Variants in RIMKLA observed in about 807,000 individuals in gnomAD.
The protein encoded by RIMKLA is N-acetylaspartylglutamate synthase A.
In RIMKLA, 14 loss-of-function variants were observed where a neutral mutation model predicts 32.7. The ratio of observed to expected loss-of-function variants is 0.43; its 90% CI spans 0.28 to 0.67. The LOEUF is 0.67. RIMKLA is among the 30% of genes least tolerant of loss of function. The probability of loss-of-function intolerance (pLI) is 0.18; values close to 1 mark genes in which losing one functional copy is unlikely to be tolerated. For missense variants in RIMKLA, 410 were observed against 519.0 expected, an observed-to-expected ratio of 0.79 and a Z score of 2.04; for synonymous variants, 176 against 204.1, an observed-to-expected ratio of 0.86 and a Z score of 1.18.
At chr1:42,410,464 C>T (rs895189240) in intron 4 of RIMKLA, among the ~76,000 whole-genome samples, 8 of 151,950 alleles carry the variant, frequency 5.3e-5, no homozygotes, top group African/African-American at 1.9e-4. Flanking sequence ...TGAGGACCAA[C>T]GTTGGAGAAA....
chr1:42,406,097 T>C (rs1557756348), intron 3 of RIMKLA, among the ~76,000 whole-genome samples: 1 of 152,234 alleles, frequency 6.6e-6, no homozygotes, highest in Non-Finnish European at 1.5e-5. Context: ...CCAGGCACTA[T>C]TCCAGGCTTT....
At chr1:42,405,131 C>A (rs774594889) in intron 3 of RIMKLA, among the ~76,000 whole-genome samples, 4 of 152,208 alleles carry the variant, frequency 2.6e-5, no homozygotes, top group African/African-American at 4.8e-5. Context: ...TGCCATCTTT[C>A]TCTGCTCACT....
chr1:42,413,925 T>G (rs1328100106), intron 4 of RIMKLA, among the ~76,000 whole-genome samples: 1 of 150,302 alleles, frequency 6.7e-6, no homozygotes, highest in Non-Finnish European at 1.5e-5. Context: ...CCTAGTTTTA[T>G]TTTTATTTTT....
At chr1:42,391,258 A>G (rs1381707557) in intron 1 of RIMKLA, among the ~76,000 whole-genome samples, 4 of 152,162 alleles carry the variant, frequency 2.6e-5, no homozygotes, top group Admixed American at 2.6e-4. Flanking sequence ...GAAATCACCA[A>G]TATTTCTGAT....
rs775856351 is a variant in RIMKLA at position 42,399,539 on chromosome 1, A to G, written c.299A>G (p.Asn100Ser). 64 of 1,613,448 alleles carry G rather than the reference A, an allele frequency of 4.0e-5. No individual in the cohort carries two copies. Among genetic ancestry groups the G allele is most frequent in the Non-Finnish European group, 3.2e-5 (38 of 1,179,832 alleles). The change falls in exon 2 of 5, where the codon AAT becomes AGT. Residue 100 changes from asparagine to serine, a missense_variant. By Grantham distance (46) the Asn-to-Ser change is conservative. Coordinates refer to ENST00000431473, the MANE Select transcript of RIMKLA (RefSeq NM_173642.4). Reference protein sequence around the residue: ...HLEKLGCRLVNRPQSILNCIN... With the variant: ...HLEKLGCRLVSRPQSILNCIN... ...GAGAAGCTGGGCTGCCGGTTGGTCAATCGCCCACAGAGCATCTTAAATTGC... is the reference window on the plus strand; with the variant it reads ...GAGAAGCTGGGCTGCCGGTTGGTCAGTCGCCCACAGAGCATCTTAAATTGC...
rs190498920 is a variant in RIMKLA at position 42,414,813 on chromosome 1, G to A, written c.1015G>A (p.Val339Ile). 156 of 1,614,178 alleles carry A rather than the reference G, an allele frequency of 9.7e-5. No individual in the cohort carries two copies. Among genetic ancestry groups the A allele is most frequent in the Non-Finnish European group, 1.2e-4 (137 of 1,180,026 alleles). ...TTCAGCTCAGGGAGTTGCAGAGAGC[G>A]TCTATACCATCAACAGTGGGTCTAC... ...CASAQGVAES[V>I]YTINSGSTSS... The change falls in exon 5 of 5, where the codon GTC (valine) becomes ATC (isoleucine). Residue 339 changes from valine to isoleucine, a missense_variant. Val to Ile is a conservative substitution (Grantham distance 29, BLOSUM62 3). Coordinates refer to ENST00000431473, the MANE Select transcript of RIMKLA (RefSeq NM_173642.4).
intron 2 of RIMKLA, among the ~76,000 whole-genome samples, chr1:42,403,305 T>C (rs978398613): frequency 2.0e-5 from 3 of 152,112 alleles, no homozygotes; most frequent in Non-Finnish European, 4.4e-5. Context: ...GTGAGAAATA[T>C]TAGTTGACAT....
At chr1:42,399,332 C>G in intron 1 of RIMKLA, 72 bp from the exon 2 acceptor site, 1 of 1,136,614 alleles carries the variant, frequency 8.8e-7, no homozygotes, top group Non-Finnish European at 1.3e-6. Context: ...CTTGAAGAGT[C>G]TGTTGGAACC....
chr1:42,384,594 T>G (rs938695516), intron 1 of RIMKLA, among the ~76,000 whole-genome samples: 3 of 136,166 alleles, frequency 2.2e-5, no homozygotes, highest in African/African-American at 8.3e-5. Flanking sequence ...TGTGTATATA[T>G]GTATATATGT....
chr1:42,412,090 C>A (rs528022556), intron 4 of RIMKLA, among the ~76,000 whole-genome samples: 9 of 152,060 alleles, frequency 5.9e-5, no homozygotes, highest in Non-Finnish European at 1.0e-4. Flanking sequence ...ATAATTTATC[C>A]ATGTTGCTTT....
chr1:42,391,684 A>G (rs565688046), intron 1 of RIMKLA, among the ~76,000 whole-genome samples: 4 of 152,250 alleles, frequency 2.6e-5, no homozygotes, highest in Non-Finnish European at 5.9e-5. Flanking sequence ...TGTCAGAGCT[A>G]TATGGGGTAT....
intron 1 of RIMKLA, among the ~76,000 whole-genome samples, chr1:42,398,995 C>T (rs950666941): frequency 1.5e-4 from 21 of 139,408 alleles, no homozygotes; most frequent in African/African-American, 5.5e-4. Flanking sequence ...AAAAAAAGGG[C>T]TATATAATGT....
rs1212531306 is a variant in RIMKLA, at chr1:42,419,734, T to C, written c.*4760T>C. The stretch of plus-strand genomic sequence containing the variant: ...AGCCCCAAAGGCATGTATATTTCCA[T>C]GATGCAAGCTGGCTCATGGCCCGCA... On this transcript the variant is annotated 3_prime_UTR_variant, in exon 5 of 5. Coordinates refer to ENST00000431473, the MANE Select transcript of RIMKLA (RefSeq NM_173642.4). The C allele has an allele frequency of 2.0e-5, 3 of 152,250 alleles. No homozygotes were observed. Among genetic ancestry groups the C allele is most frequent in the African/African-American group, 7.2e-5 (3 of 41,456 alleles). 9.4% of individuals were successfully genotyped at this position (152,250 alleles called of 1,614,324 possible).
intron 2 of RIMKLA, among the ~76,000 whole-genome samples, chr1:42,402,567 C>T (rs1643108876): frequency 6.6e-6 from 1 of 150,428 alleles, no homozygotes; most frequent in Non-Finnish European, 1.5e-5. Flanking sequence ...TCTACAGCCA[C>T]CAGAAAGGAA....
Position 42,422,375 on chromosome 1 carries a change from C to T in RIMKLA, c.*7401C>T, listed in dbSNP as rs1227336252. 6.6e-6 allele frequency: 1 copy of T among 152,232 alleles called. No homozygotes were observed. Among genetic ancestry groups the T allele is most frequent in the East Asian group, 1.9e-4 (1 of 5,204 alleles). 9.4% of individuals were successfully genotyped at this position (152,232 alleles called of 1,614,324 possible). ...GGCAGTAGTTCAGCTAAATTCCCTC[C>T]AGGAAAGTGGACTGTAGCTTTTCCT... is the stretch of plus-strand genomic sequence containing the variant. On this transcript the variant is annotated 3_prime_UTR_variant, in exon 5 of 5. Transcript: ENST00000431473.
chr1:42,396,279 C>T (rs6684354), intron 1 of RIMKLA, among the ~76,000 whole-genome samples: 59,286 of 145,612 alleles, frequency 0.41, 12,511 homozygotes, highest in Middle Eastern at 0.57. Context: ...AGAGCTGTGT[C>T]AATGGGCAAA....
intron 3 of RIMKLA, among the ~76,000 whole-genome samples, chr1:42,409,492 C>G (rs549814088): frequency 4.2e-4 from 64 of 152,200 alleles, no homozygotes; most frequent in Non-Finnish European, 8.4e-4. Flanking sequence ...TGGGATCTCT[C>G]TCCATCTAGA....
intron 3 of RIMKLA, among the ~76,000 whole-genome samples, chr1:42,406,432 T>G (rs1643147972): frequency 6.6e-6 from 1 of 152,242 alleles, no homozygotes; most frequent in African/African-American, 2.4e-5. Context: ...TACTTTCTGT[T>G]ACTATAGATT....
intron 1 of RIMKLA, among the ~76,000 whole-genome samples, chr1:42,398,578 G>T (rs1246486500): frequency 1.3e-5 from 2 of 152,120 alleles, no homozygotes; most frequent in African/African-American, 4.8e-5. Flanking sequence ...ATTTGTATCT[G>T]TTTATATAGT....
Sources: allele counts gnomAD v4.1 joint callset (sites outside exome capture counted in the v4.1 genomes callset), GRCh38; gene constraint gnomAD v4.1.1; transcripts MANE v1.5; gene names NCBI Gene and HGNC (gene_info 2026-07-23, HGNC 2026-07-21).